MTCH2: variants seen among roughly 807,000 people sequenced by gnomAD.
MTCH2 encodes the protein mitochondrial carrier 2, also known as mitochondrial carrier homolog 2.
A neutral mutation model predicts 50.6 loss-of-function variants in MTCH2; 25 were observed. The ratio of observed to expected loss-of-function variants is 0.49; its 90% CI spans 0.36 to 0.69. The LOEUF (loss-of-function observed/expected upper bound fraction) is 0.69, where lower values mean the gene tolerates loss of function less well. Ranked by LOEUF, MTCH2 falls within the 30% of genes least tolerant of loss-of-function variation. The probability of loss-of-function intolerance (pLI) is 0.00; values close to 1 mark genes in which losing one functional copy is unlikely to be tolerated. For missense variants in MTCH2, 273 were observed against 384.4 expected (o/e 0.71, Z 2.42); for synonymous variants, 106 against 132.0 (o/e 0.80, Z 1.35).
At chr11:47,639,463 G>T (rs1242615360) in intron 1 of MTCH2, among the ~76,000 whole-genome samples, 3 of 152,242 alleles carry the variant, frequency 2.0e-5, no homozygotes, top group Non-Finnish European at 4.4e-5. Context: ...TGGCAACCCA[G>T]ACAAAACACT....
chr11:47,623,580 G>C (rs1225055963), intron 11 of MTCH2, among the ~76,000 whole-genome samples: 1 of 152,080 alleles, frequency 6.6e-6, no homozygotes, highest in Non-Finnish European at 1.5e-5. Flanking sequence ...AAAAATGGCA[G>C]TTGCTCTACG....
rs529460956 is a variant in MTCH2 at position 47,625,337 on chromosome 11, C to T, written c.749+337G>A. 9.3e-5 allele frequency among the ~76,000 whole-genome samples: 14 copies of T among 150,414 alleles called. No homozygotes were observed. The South Asian group carries it at 2.7e-3, about 29-fold the overall frequency. Reference sequence around the variant, plus strand: ...ACTCAGGAGGCTGAGGCGGGACAATCACTTGAATCCAGGAGGTGGAGGTCG... The same window carrying T: ...ACTCAGGAGGCTGAGGCGGGACAATTACTTGAATCCAGGAGGTGGAGGTCG... On this transcript the variant is annotated intron_variant, in intron 11 of 12. Transcript: ENST00000302503.
intron 4 of MTCH2, among the ~76,000 whole-genome samples, chr11:47,635,062 C>T (rs2097307271): frequency 1.3e-5 from 2 of 152,076 alleles, no homozygotes; most frequent in African/African-American, 4.8e-5. Context: ...CATGAGCCAC[C>T]ATGGGCGGCC....
chr11:47,627,229 G>A (rs2097299022), intron 9 of MTCH2, 102 bp from the exon 10 acceptor site: 3 of 863,348 alleles, frequency 3.5e-6, no homozygotes, highest in Non-Finnish European at 3.5e-6. Context: ...CTTTCAGACA[G>A]TGCCTCACTC....
intron 2 of MTCH2, 69 bp from the exon 3 acceptor site, chr11:47,638,874 A>G: frequency 1.3e-6 from 2 of 1,577,546 alleles, no homozygotes; most frequent in South Asian, 2.3e-5. Flanking sequence ...AATTTCAAAG[A>G]AACAAGCTTT....
chr11:47,612,457 A>G (rs1214844326), downstream of MTCH2, among the ~76,000 whole-genome samples: 3 of 152,088 alleles, frequency 2.0e-5, no homozygotes, highest in Non-Finnish European at 4.4e-5. Flanking sequence ...AGTCCCAGCT[A>G]CTTGGGGGCT....
chr11:47,629,160 T>TA (rs1275519288), intron 8 of MTCH2, 114 bp from the exon 9 acceptor site: 2 of 894,488 alleles, frequency 2.2e-6, no homozygotes, highest in Admixed American at 4.5e-5. Context: ...TCTAGGGAAG[T>TA]AAAAAAGGAA....
chr11:47,615,303 A>C (rs2097287756), downstream of MTCH2, among the ~76,000 whole-genome samples: 1 of 152,046 alleles, frequency 6.6e-6, no homozygotes, highest in Non-Finnish European at 1.5e-5. Flanking sequence ...TTTTTCCCCC[A>C]CAGATTTTCA....
chr11:47,618,755 T>G lies in MTCH2; in HGVS notation c.*78A>C. ...TGATTATTAAAAAAGCGCGCCACAC[T>G]GTATAGAAATCAACATTCTCTCCCA... On this transcript the variant is annotated 3_prime_UTR_variant, in exon 13 of 13. Coordinates refer to ENST00000302503, the MANE Select transcript of MTCH2 (RefSeq NM_014342.4). The G allele has an allele frequency of 7.2e-7, 1 of 1,387,362 alleles. No homozygotes were observed. Among genetic ancestry groups the G allele is most frequent in the Non-Finnish European group, 1.0e-6 (1 of 976,242 alleles). 85.9% of individuals were successfully genotyped at this position (1,387,362 alleles called of 1,614,324 possible). A position where few individuals can be genotyped will look rare whatever the true frequency, so the allele number is the denominator to read the frequency against.
chr11:47,609,738 G>A, the MTCH2 span, among the ~76,000 whole-genome samples: 1 of 151,926 alleles, frequency 6.6e-6, no homozygotes, highest in African/African-American at 2.4e-5. Flanking sequence ...GTAGAGGAGA[G>A]TCATGGCCAT....
chr11:47,612,787 G>A (rs2097286309), downstream of MTCH2, among the ~76,000 whole-genome samples: 2 of 151,764 alleles, frequency 1.3e-5, no homozygotes, highest in Non-Finnish European at 2.9e-5. Context: ...ATCTCTCACT[G>A]GCAACTTCCC....
intron 8 of MTCH2, among the ~76,000 whole-genome samples, chr11:47,629,874 T>C (rs2097301445): frequency 6.6e-6 from 1 of 152,092 alleles, no homozygotes; most frequent in Non-Finnish European, 1.5e-5. Flanking sequence ...CTTACTCTTT[T>C]ACGGTAAGGA....
intron 11 of MTCH2, among the ~76,000 whole-genome samples, chr11:47,624,924 C>T (rs2097296600): frequency 6.6e-6 from 1 of 151,992 alleles, no homozygotes; most frequent in African/African-American, 2.4e-5. Flanking sequence ...CCCATCTCTA[C>T]TAAAAATGCA....
At chr11:47,612,728 CAAAA>C (rs541769139), downstream of MTCH2, among the ~76,000 whole-genome samples, 5 of 97,006 alleles carry the variant, frequency 5.2e-5, no homozygotes, top group Non-Finnish European at 6.4e-5. Flanking sequence ...GACCCTATCT[CAAAA>C]AAAAAAAAAA....
chr11:47,630,458 C>A (rs556531805), intron 8 of MTCH2, 97 bp downstream of exon 8: 3 of 1,097,662 alleles, frequency 2.7e-6, no homozygotes, highest in Non-Finnish European at 4.2e-6. Context: ...CCAGGGAGTA[C>A]GTTTTCCCCA....
At chr11:47,641,618 C>T (rs2097314269) in intron 1 of MTCH2, among the ~76,000 whole-genome samples, 1 of 152,196 alleles carries the variant, frequency 6.6e-6, no homozygotes, top group African/African-American at 2.4e-5. Flanking sequence ...GGCCTACCTG[C>T]ATGTGAATAT....
At chr11:47,607,123 A>G in the MTCH2 span, among the ~76,000 whole-genome samples, 1 of 151,868 alleles carries the variant, frequency 6.6e-6, no homozygotes, top group Non-Finnish European at 1.5e-5. Flanking sequence ...ATTTACTAGC[A>G]AGTCACTTAA....
At chr11:47,639,073 T>G (rs749624199) in intron 1 of MTCH2, 22 bp from the exon 2 acceptor site, 2 of 1,554,194 alleles carry the variant, frequency 1.3e-6, no homozygotes, top group South Asian at 1.2e-5. Context: ...ATGGAATATA[T>G]CAATATTAAA....
downstream of MTCH2, among the ~76,000 whole-genome samples, chr11:47,612,506 G>A (rs1270264355): frequency 6.6e-6 from 1 of 152,140 alleles, no homozygotes; most frequent in East Asian, 1.9e-4. Context: ...AGAGGTTGCG[G>A]TGAGCCGAGA....
Sources: gnomAD v4.1 joint callset for allele counts (sites outside exome capture counted in the v4.1 genomes callset) on GRCh38, gnomAD v4.1.1 for gene constraint, MANE v1.5 for transcripts, NCBI Gene and HGNC (gene_info 2026-07-23, HGNC 2026-07-21) for gene names.